YIPF1: variants seen among roughly 807,000 people sequenced by gnomAD.
YIPF1 encodes Yip1 domain family member 1, also known as protein YIPF1.
Under a neutral mutation model 37.0 loss-of-function variants are expected in YIPF1, and 22 were observed. That is an observed-to-expected ratio of 0.59 (90% CI 0.42 to 0.85). The LOEUF (loss-of-function observed/expected upper bound fraction) is 0.85, where lower values mean the gene tolerates loss of function less well. Among genes scored for constraint, YIPF1 ranks in the 40% least tolerant of loss-of-function variants. The pLI is 0.00. For synonymous variants in YIPF1, 128 were observed against 131.9 expected (o/e 0.97, Z 0.21); for missense variants, 355 against 373.1 (o/e 0.95, Z 0.40).
chr1:53,868,987 G>A (rs1002415103), intron 7 of YIPF1, among the ~76,000 whole-genome samples: 1 of 152,092 alleles, frequency 6.6e-6, no homozygotes, highest in Non-Finnish European at 1.5e-5. Context: ...TATATCTCAT[G>A]GTTAATATTT....
At chr1:53,866,461 C>A in intron 8 of YIPF1, 79 bp from the exon 9 acceptor site, 6 of 1,476,070 alleles carry the variant, frequency 4.1e-6, no homozygotes, top group Non-Finnish European at 4.6e-6. Context: ...TACAAAGGCC[C>A]CTGAGCCAAT....
intron 6 of YIPF1, among the ~76,000 whole-genome samples, chr1:53,877,046 G>A (rs1022169246): frequency 6.6e-6 from 1 of 152,152 alleles, no homozygotes; most frequent in Non-Finnish European, 1.5e-5. Flanking sequence ...TGGGGCTAGG[G>A]ACCATGGCCT....
At chr1:53,882,047 C>A (rs558805428) in intron 4 of YIPF1, among the ~76,000 whole-genome samples, 68 of 152,288 alleles carry the variant, frequency 4.5e-4, no homozygotes, top group African/African-American at 1.5e-3. Context: ...GGAATGAGAT[C>A]ATGTCCTTTG....
At chr1:53,882,114 A>G (rs1355747212) in intron 4 of YIPF1, among the ~76,000 whole-genome samples, 2 of 152,178 alleles carry the variant, frequency 1.3e-5, no homozygotes, top group African/African-American at 4.8e-5. Context: ...ACAGGAACAG[A>G]AAACCAAACA....
Position 53,888,968 on chromosome 1 carries a change from G to A in YIPF1, c.-31C>T. ...CAGTGAGTCTTCTCCCAATTATGAGGAAGAAAATTTGCAGGGTTCTAAAAG... is the reference window on the plus strand; with the variant it reads ...CAGTGAGTCTTCTCCCAATTATGAGAAAGAAAATTTGCAGGGTTCTAAAAG... On this transcript the variant is annotated 5_prime_UTR_variant, in exon 3 of 11. Coordinates refer to ENST00000072644, the MANE Select transcript of YIPF1 (RefSeq NM_018982.5). The A allele has an allele frequency of 6.3e-7, 1 of 1,594,310 alleles. No homozygotes were observed. Among genetic ancestry groups the A allele is most frequent in the Non-Finnish European group, 8.6e-7 (1 of 1,164,036 alleles).
chr1:53,881,244 C>CAAAAAAAAAAAAAAAAAAAAAAA (rs747288925), intron 4 of YIPF1, among the ~76,000 whole-genome samples: 1 of 96,320 alleles, frequency 1.0e-5, no homozygotes, highest in Non-Finnish European at 2.1e-5. Flanking sequence ...GACTCCATCT[C>CAAAAAAAAAAAAAAAAAAAAAAA]AAAAAAAAAA....
intron 6 of YIPF1, among the ~76,000 whole-genome samples, chr1:53,872,044 CTTT>C (rs888884325): frequency 7.2e-6 from 1 of 138,106 alleles, no homozygotes; most frequent in Non-Finnish European, 1.6e-5. Flanking sequence ...AAGGCTTTTT[CTTT>C]TTTTTTTTAA....
chr1:53,887,449 T>A (rs992179369), intron 3 of YIPF1, among the ~76,000 whole-genome samples: 2 of 151,824 alleles, frequency 1.3e-5, no homozygotes, highest in Admixed American at 6.6e-5. Flanking sequence ...TGCTTGAGTT[T>A]TAGAAGGACT....
At chr1:53,875,023 C>T (rs772518095) in intron 6 of YIPF1, among the ~76,000 whole-genome samples, 3 of 151,988 alleles carry the variant, frequency 2.0e-5, no homozygotes, top group Non-Finnish European at 2.9e-5. Flanking sequence ...ATATGTTGTT[C>T]CATATATATG....
At chr1:53,868,145 C>T (rs937550986) in intron 7 of YIPF1, among the ~76,000 whole-genome samples, 4 of 152,208 alleles carry the variant, frequency 2.6e-5, no homozygotes, top group Admixed American at 2.0e-4. Flanking sequence ...GGAATTGCCT[C>T]GTTAGGCCAA....
At chr1:53,878,239 CTCCACATT>C in intron 6 of YIPF1, 68 bp downstream of exon 6, 1 of 1,446,156 alleles carries the variant, frequency 6.9e-7, no homozygotes, top group Non-Finnish European at 9.6e-7. Context: ...TAGTGCAGTT[CTCCACATT>C]TCCAGGCAAC....
At chr1:53,872,047 T>C (rs1057009170) in intron 6 of YIPF1, among the ~76,000 whole-genome samples, 2 of 151,424 alleles carry the variant, frequency 1.3e-5, no homozygotes, top group African/African-American at 4.9e-5. Flanking sequence ...GCTTTTTCTT[T>C]TTTTTTTTAA....
chr1:53,883,017 T>C, intron 4 of YIPF1, 96 bp downstream of exon 4: 1 of 1,377,288 alleles, frequency 7.3e-7, no homozygotes. Flanking sequence ...GAGCTGTCAT[T>C]GCCTGACACT....
chr1:53,855,294 G>C (rs1323210053), intron 10 of YIPF1, among the ~76,000 whole-genome samples: 3 of 151,824 alleles, frequency 2.0e-5, no homozygotes, highest in African/African-American at 4.8e-5. Flanking sequence ...CCCCTGGAAA[G>C]CTCACCCCAA....
chr1:53,853,562 G>A (rs948085906), intron 10 of YIPF1, among the ~76,000 whole-genome samples: 2 of 152,204 alleles, frequency 1.3e-5, no homozygotes, highest in Admixed American at 1.3e-4. Flanking sequence ...TTGGGAGAAT[G>A]AGCTAGGCCT....
At chr1:53,857,095 C>T (rs750509738) in intron 10 of YIPF1, among the ~76,000 whole-genome samples, 2 of 152,168 alleles carry the variant, frequency 1.3e-5, no homozygotes, top group Admixed American at 6.5e-5. Context: ...TCCAAATGAC[C>T]GTCAGCAAGA....
At chr1:53,880,259 C>T (rs1384162548) in intron 4 of YIPF1, among the ~76,000 whole-genome samples, 4 of 151,220 alleles carry the variant, frequency 2.6e-5, no homozygotes, top group Non-Finnish European at 5.9e-5. Flanking sequence ...TTCCTATACA[C>T]CGACAACAGG....
chr1:53,862,228 A>AT (rs1166502362), intron 9 of YIPF1, among the ~76,000 whole-genome samples: 2 of 152,094 alleles, frequency 1.3e-5, no homozygotes, highest in Admixed American at 6.5e-5. Context: ...AGAAATGGAG[A>AT]TTTTCCCAAG....
Position 53,866,889 on chromosome 1 carries a change from A to G in YIPF1, c.517T>C (p.Trp173Arg), listed in dbSNP as rs781735148. ...CCCCAGAGTGCAAGAGGAACCAGCC[A>G]GGCATAGGCATAGATGATGGTAGCT... ...IAATIIYAYA[W>R]LVPLALWGFL... Residue 173 changes from tryptophan to arginine, a missense_variant, in exon 8 of 11, where the codon TGG becomes CGG. Trp to Arg is a moderately radical substitution (Grantham distance 101, BLOSUM62 -3). Coordinates refer to ENST00000072644, the MANE Select transcript of YIPF1 (RefSeq NM_018982.5). 1 of 1,613,910 alleles carries G rather than the reference A, an allele frequency of 6.2e-7. No homozygotes were observed. Among genetic ancestry groups the G allele is most frequent in the Non-Finnish European group, 8.5e-7 (1 of 1,179,854 alleles).
Sources: gnomAD v4.1 joint callset for allele counts (sites outside exome capture counted in the v4.1 genomes callset) on GRCh38, gnomAD v4.1.1 for gene constraint, MANE v1.5 for transcripts, NCBI Gene and HGNC (gene_info 2026-07-23, HGNC 2026-07-21) for gene names.